Variants in SNX13 observed in about 807,000 individuals in gnomAD.
SNX13 encodes the protein sorting nexin 13.
A neutral mutation model predicts 133.6 loss-of-function variants in SNX13; 45 were observed. That is an observed-to-expected ratio of 0.34 (90% CI 0.27 to 0.43). The LOEUF (loss-of-function observed/expected upper bound fraction) is 0.43, where lower values mean the gene tolerates loss of function less well. SNX13 is among the 20% of genes least tolerant of loss of function. The pLI is 1.00. For missense variants in SNX13, 1,032 were observed against 1,145.1 expected (o/e 0.90, Z 1.43); for synonymous variants, 414 against 373.9 (o/e 1.11, Z -1.24).
intron 9 of SNX13, among the ~76,000 whole-genome samples, chr7:17,861,745 A>C (rs1792732942): frequency 6.6e-6 from 1 of 152,206 alleles, no homozygotes; most frequent in African/African-American, 2.4e-5. Flanking sequence ...CCCAAAGGGA[A>C]GAATCATGAG....
At chr7:17,862,012 T>C (rs1792767634) in intron 9 of SNX13, among the ~76,000 whole-genome samples, 1 of 152,202 alleles carries the variant, frequency 6.6e-6, no homozygotes, top group Non-Finnish European at 1.5e-5. Flanking sequence ...CATCAGTAAT[T>C]CAGCTATTTG....
intron 13 of SNX13, among the ~76,000 whole-genome samples, chr7:17,838,549 G>A (rs1174453190): frequency 6.6e-6 from 1 of 151,716 alleles, no homozygotes; most frequent in East Asian, 1.9e-4. Flanking sequence ...AGATTTTTAA[G>A]TAAAAAAAGA....
intron 25 of SNX13, chr7:17,794,580 C>T (rs1243410746): frequency 1.5e-5 from 4 of 270,456 alleles, no homozygotes; most frequent in African/African-American, 8.8e-5. Flanking sequence ...ACAAACATGT[C>T]CCTTAATACC....
At chr7:17,836,544 C>T (rs528597888) in intron 13 of SNX13, among the ~76,000 whole-genome samples, 3 of 152,122 alleles carry the variant, frequency 2.0e-5, no homozygotes, top group Non-Finnish European at 2.9e-5. Context: ...TATTTGTACA[C>T]ATTTGTTATT....
intron 9 of SNX13, among the ~76,000 whole-genome samples, chr7:17,859,539 A>T (rs1033365524): frequency 2.6e-5 from 4 of 152,112 alleles, no homozygotes; most frequent in African/African-American, 4.8e-5. Context: ...TGTGGTCAAA[A>T]ACAGAAAACA....
At chr7:17,815,891 T>A (rs904378001) in intron 19 of SNX13, among the ~76,000 whole-genome samples, 3 of 152,070 alleles carry the variant, frequency 2.0e-5, no homozygotes. Context: ...AAAAAAAAAA[T>A]TCAAATGTTT....
chr7:17,852,476 C>T (rs1791345811), intron 9 of SNX13, among the ~76,000 whole-genome samples: 1 of 152,108 alleles, frequency 6.6e-6, no homozygotes, highest in African/African-American at 2.4e-5. Flanking sequence ...AATAAGGAAT[C>T]TAAGAATTGA....
At chr7:17,826,628 G>T (rs976893906) in intron 16 of SNX13, among the ~76,000 whole-genome samples, 6 of 151,958 alleles carry the variant, frequency 3.9e-5, no homozygotes, top group African/African-American at 1.4e-4. Context: ...TATAACAACT[G>T]TTAGCTATTA....
chr7:17,908,422 C>G (rs180783911), intron 1 of SNX13, among the ~76,000 whole-genome samples: 93 of 152,288 alleles, frequency 6.1e-4, no homozygotes, highest in Non-Finnish European at 1.0e-3. Context: ...CTTCTGTTCT[C>G]TAGGATGGAT....
chr7:17,893,131 T>A (rs1299170584), intron 3 of SNX13, among the ~76,000 whole-genome samples: 5 of 152,184 alleles, frequency 3.3e-5, no homozygotes, highest in African/African-American at 1.2e-4. Flanking sequence ...TATTCCCACT[T>A]TTTAAATCTA....
chr7:17,905,966 T>C (rs573224547), intron 1 of SNX13, among the ~76,000 whole-genome samples: 33 of 152,268 alleles, frequency 2.2e-4, no homozygotes, highest in African/African-American at 7.7e-4. Flanking sequence ...CCACTTTACC[T>C]TGCTCTGGCA....
chr7:17,930,370 T>C (rs760957688), intron 1 of SNX13, among the ~76,000 whole-genome samples: 2 of 152,182 alleles, frequency 1.3e-5, no homozygotes, highest in Non-Finnish European at 2.9e-5. Context: ...ACCAAAAGTA[T>C]ACATTTTTAT....
chr7:17,922,563 C>A (rs931756766), intron 1 of SNX13, among the ~76,000 whole-genome samples: 8 of 152,230 alleles, frequency 5.3e-5, no homozygotes, highest in African/African-American at 1.9e-4. Flanking sequence ...TTTTCTAAAT[C>A]GAGATTTTTT....
At chr7:17,882,889 T>G (rs936850668) in intron 5 of SNX13, 4 of 1,266,576 alleles carry the variant, frequency 3.2e-6, no homozygotes, top group Non-Finnish European at 4.2e-6. Context: ...AAGCGGAGGT[T>G]GCAGTGAGCC....
intron 3 of SNX13, among the ~76,000 whole-genome samples, chr7:17,892,662 T>A (rs1049696561): frequency 6.6e-6 from 1 of 152,120 alleles, no homozygotes; most frequent in African/African-American, 2.4e-5. Flanking sequence ...ATTATTTACT[T>A]CTACATCTCC....
intron 10 of SNX13, 30 bp from the exon 11 acceptor site, chr7:17,850,465 G>GTGGTAGTGTTATTTATGAAA: frequency 7.5e-7 from 1 of 1,334,406 alleles, no homozygotes; most frequent in Non-Finnish European, 1.0e-6. Flanking sequence ...GAACTAGAAA[G>GTGGTAGTGTTATTTATGAAA]TGGTAGTGTT....
At chr7:17,874,153 C>A (rs1200057678) in intron 7 of SNX13, among the ~76,000 whole-genome samples, 1 of 152,056 alleles carries the variant, frequency 6.6e-6, no homozygotes. Flanking sequence ...TATAAATTGA[C>A]CCTTGAACAA....
In SNX13 at chr7:17,891,674, G is replaced by C. The variant is rs115213708; in HGVS notation, c.229-39C>G. 2,906 of 1,439,404 alleles carry C rather than the reference G, an allele frequency of 2.0e-3. 51 individuals carry two copies. The African/African-American group carries it at 0.035, about 17-fold the overall frequency. 89.2% of individuals were successfully genotyped at this position (1,439,404 alleles called of 1,614,324 possible). A position where few individuals can be genotyped will look rare whatever the true frequency, so the allele number is the denominator to read the frequency against. On this transcript the variant is annotated intron_variant, in intron 3 of 25. Transcript: ENST00000428135. ...AAAATATCTTACTGAGTAGTTTTCT[G>C]ATGTAAAATCTCTCCAGTTTAATTC...
At chr7:17,910,666 T>G (rs942236420) in intron 1 of SNX13, among the ~76,000 whole-genome samples, 9 of 152,172 alleles carry the variant, frequency 5.9e-5, no homozygotes, top group African/African-American at 1.9e-4. Flanking sequence ...ATGCCCCAAA[T>G]GTTTATCAGT....
Sources: gnomAD v4.1 joint callset for allele counts (sites outside exome capture counted in the v4.1 genomes callset) on GRCh38, gnomAD v4.1.1 for gene constraint, MANE v1.5 for transcripts, NCBI Gene and HGNC (gene_info 2026-07-23, HGNC 2026-07-21) for gene names.